STARD7: variants seen among roughly 807,000 people sequenced by gnomAD.
The protein encoded by STARD7 is StAR related lipid transfer domain containing 7, also known as stAR-related lipid transfer protein 7, mitochondrial.
STARD7 carries 30 observed loss-of-function variants against 45.3 expected under a neutral mutation model. The observed-to-expected ratio is 0.66, with a 90% CI of 0.50 to 0.90. The LOEUF (loss-of-function observed/expected upper bound fraction) is 0.90. Among genes scored for constraint, STARD7 ranks in the 40% least tolerant of loss-of-function variants. STARD7 has a pLI of 0.00. For synonymous variants in STARD7, 199 were observed against 183.0 expected, an observed-to-expected ratio of 1.09 and a Z score of -0.70; for missense variants, 495 against 491.3, an observed-to-expected ratio of 1.01 and a Z score of -0.07.
At chr2:96,205,141 G>A (rs929223986) in intron 1 of STARD7, among the ~76,000 whole-genome samples, 23 of 152,136 alleles carry the variant, frequency 1.5e-4, no homozygotes, top group Admixed American at 5.9e-4. Flanking sequence ...AGATATTTTC[G>A]TTGTTTAATT....
chr2:96,202,633 T>C (rs942574085), intron 1 of STARD7, among the ~76,000 whole-genome samples: 1 of 152,164 alleles, frequency 6.6e-6, no homozygotes, highest in Non-Finnish European at 1.5e-5. Flanking sequence ...GCACAACTCT[T>C]GAGTGTCATT....
intron 6 of STARD7, among the ~76,000 whole-genome samples, chr2:96,188,430 C>T (rs1011395848): frequency 6.6e-6 from 1 of 151,028 alleles, no homozygotes; most frequent in African/African-American, 2.4e-5. Flanking sequence ...CATGCACCAC[C>T]ATGCCCAGCT....
At chr2:96,193,195 A>C in intron 4 of STARD7, 35 bp from the exon 5 acceptor site, 1 of 1,594,862 alleles carries the variant, frequency 6.3e-7, no homozygotes, top group Non-Finnish European at 8.6e-7. Context: ...AGTGTTCTGC[A>C]TCACACAAAC....
In STARD7 at chr2:96,208,701, A is replaced by T. The variant is rs1683452953; in HGVS notation, c.-267T>A. The T allele has an allele frequency of 4.8e-6, 2 of 418,902 alleles. No individual in the cohort carries two copies. Among genetic ancestry groups the T allele is most frequent in the African/African-American group, 4.1e-5 (2 of 48,770 alleles). 25.9% of individuals were successfully genotyped at this position (418,902 alleles called of 1,614,324 possible). On this transcript the variant is annotated 5_prime_UTR_variant, in exon 1 of 8. Coordinates refer to ENST00000337288, the MANE Select transcript of STARD7 (RefSeq NM_020151.4). ...CCTGGGCCCGGGCAGCAGACCAGTCAGCCCTGTGGCTCCTCGGCGACCTCC... is the reference window on the plus strand; with the variant it reads ...CCTGGGCCCGGGCAGCAGACCAGTCTGCCCTGTGGCTCCTCGGCGACCTCC...
chr2:96,194,005 T>C (rs1333203052), intron 3 of STARD7, among the ~76,000 whole-genome samples: 1 of 152,218 alleles, frequency 6.6e-6, no homozygotes, highest in Non-Finnish European at 1.5e-5. Context: ...TTTCATTTTT[T>C]AAACCATCTT....
chr2:96,195,266 A>C, intron 2 of STARD7, 75 bp downstream of exon 2: 1 of 1,304,568 alleles, frequency 7.7e-7, no homozygotes, highest in Non-Finnish European at 1.1e-6. Context: ...AGAACAGTTT[A>C]GAGAAGTATG....
chr2:96,188,739 A>G (rs1044115448), intron 6 of STARD7, among the ~76,000 whole-genome samples: 1 of 151,622 alleles, frequency 6.6e-6, no homozygotes, highest in African/African-American at 2.4e-5. Flanking sequence ...CAAAGAAAAA[A>G]AAAAACTAGC....
At position 96,195,019 on chromosome 2, in the gene STARD7, A is replaced by G; in HGVS notation, c.500-12T>C. On this transcript the variant is annotated splice_polypyrimidine_tract_variant and intron_variant, in intron 2 of 7. Transcript: ENST00000337288. Reference sequence around the variant, plus strand: ...GTAGGTTCCAAAAACTAGAATGAAAAGAAAGAATAAGGGATGCTGGCCATA... The same window carrying G: ...GTAGGTTCCAAAAACTAGAATGAAAGGAAAGAATAAGGGATGCTGGCCATA... The G allele has an allele frequency of 6.2e-7, 1 of 1,603,622 alleles. No individual in the cohort carries two copies. Among genetic ancestry groups the G allele is most frequent in the Non-Finnish European group, 8.5e-7 (1 of 1,174,626 alleles).
intron 1 of STARD7, among the ~76,000 whole-genome samples, chr2:96,207,849 G>A (rs1683422930): frequency 6.6e-6 from 1 of 152,206 alleles, no homozygotes; most frequent in African/African-American, 2.4e-5. Flanking sequence ...GGGCCTCCAT[G>A]CCTTCGCTAT....
In STARD7 at chr2:96,208,282, C is replaced by G. The variant is rs1441305286; in HGVS notation, c.153G>C (p.Glu51Asp). 10 of 1,611,096 alleles carry G rather than the reference C, an allele frequency of 6.2e-6. No individual in the cohort carries two copies. Among genetic ancestry groups the G allele is most frequent in the Non-Finnish European group, 8.5e-6 (10 of 1,179,308 alleles). ...GGCCGAGGAGAACGCGGCGTGAGCT[C>G]TCGGAGTAGAGGCGGCCGTAGAGCT... ...IAQLYGRLYS[E>D]SSRRVLLGRL... The change falls in exon 1 of 8, where the codon GAG (glutamate) becomes GAC (aspartate). Residue 51 changes from glutamate (E) to aspartate (D), a missense_variant. Around this residue, in one of 2 missense-constraint regions of STARD7, gnomAD observed 282 missense variants for 220.1 expected, o/e 1.28. Coordinates refer to ENST00000337288, the MANE Select transcript of STARD7 (RefSeq NM_020151.4).
Position 96,208,654 on chromosome 2 carries a change from C to T in STARD7, c.-220G>A, listed in dbSNP as rs1683451672. 1.1e-5 allele frequency: 5 copies of T among 464,344 alleles called. No individual in the cohort carries two copies. In the South Asian group the frequency reaches 1.9e-4, roughly 17 times the overall value. The allele number at this position is 464,344 out of a possible 1,614,324, so 28.8% of individuals were successfully genotyped here. A position where few individuals can be genotyped will look rare whatever the true frequency, so the allele number is the denominator to read the frequency against. The stretch of plus-strand genomic sequence containing the variant: ...ATGGCAGCAGACGCCGGGATGGCTC[C>T]GCGACTGCTACACCAGGCACTCCTG... On this transcript the variant is annotated 5_prime_UTR_variant, in exon 1 of 8. Coordinates refer to ENST00000337288, the MANE Select transcript of STARD7 (RefSeq NM_020151.4).
At chr2:96,197,074 A>AATTAACATAACATAACATAACATAAC (rs1553432292) in intron 1 of STARD7, among the ~76,000 whole-genome samples, 14 of 128,194 alleles carry the variant, frequency 1.1e-4, no homozygotes, top group Admixed American at 3.9e-4. Flanking sequence ...CTCAAAATAA[A>AATTAACATAACATAACATAACATAAC]ATAAAATAAA....
chr2:96,194,869 A>G (rs1383639632), intron 3 of STARD7, 89 bp downstream of exon 3: 8 of 1,113,822 alleles, frequency 7.2e-6, no homozygotes, highest in South Asian at 1.4e-5. Flanking sequence ...ACTTAAGCCA[A>G]TGTCACCTGA....
Position 96,185,378 on chromosome 2 carries a change from AAAC to A in STARD7, c.*1349_*1351del, listed in dbSNP as rs1683019232. 1 of 141,540 alleles carries A rather than the reference AAAC, an allele frequency of 7.1e-6. No homozygotes were observed. 8.8% of individuals were successfully genotyped at this position (141,540 alleles called of 1,614,324 possible). On this transcript the variant is annotated 3_prime_UTR_variant, in exon 8 of 8. Transcript: ENST00000337288. ...CACCACAAAACAGTAGCAAGCAGGA[AAAC>A]AAAAACAAAAACAAAAACAAAAACT... is the stretch of plus-strand genomic sequence containing the variant.
At chr2:96,192,671 C>T (rs1683142359) in intron 5 of STARD7, among the ~76,000 whole-genome samples, 1 of 152,064 alleles carries the variant, frequency 6.6e-6, no homozygotes, top group African/African-American at 2.4e-5. Flanking sequence ...CCTGTAATCC[C>T]AACACTGGGA....
intron 1 of STARD7, among the ~76,000 whole-genome samples, chr2:96,199,507 C>A (rs1323298148): frequency 6.6e-6 from 1 of 152,136 alleles, no homozygotes; most frequent in Non-Finnish European, 1.5e-5. Context: ...GTGTATTGAT[C>A]TTGTATCCTG....
In STARD7 at chr2:96,186,514, G is replaced by T. The variant is rs1683039197; in HGVS notation, c.*216C>A. On this transcript the variant is annotated 3_prime_UTR_variant, in exon 8 of 8. Coordinates refer to ENST00000337288, the MANE Select transcript of STARD7 (RefSeq NM_020151.4). Reference sequence around the variant, plus strand: ...CCGAATTTCAAAACAGTTGGCCTGAGAATATGACAACACTCCCACAAATGT... The same window carrying T: ...CCGAATTTCAAAACAGTTGGCCTGATAATATGACAACACTCCCACAAATGT... 2.4e-6 allele frequency: 1 copy of T among 422,090 alleles called. No homozygotes were observed. The highest frequency in any genetic ancestry group is 2.0e-5 in the African/African-American group (1 of 49,000). The allele number at this position is 422,090 out of a possible 1,614,324, so 26.1% of individuals were successfully genotyped here.
chr2:96,186,736 A>G lies in STARD7; in HGVS notation c.1107T>C (p.Tyr369=), dbSNP rs776577801. ...EGSCGPARIE[Y]A ...CTTCTTATCCCAAAGCCTGTCAAGCATACTCAATCCGAGCAGGGCCACAGC... is the reference window on the plus strand; with the variant it reads ...CTTCTTATCCCAAAGCCTGTCAAGCGTACTCAATCCGAGCAGGGCCACAGC... Residue 369 remains tyrosine, a synonymous_variant, in exon 8 of 8, where the codon TAT becomes TAC. Transcript: ENST00000337288. The G allele has an allele frequency of 6.2e-7, 1 of 1,608,620 alleles. No homozygotes were observed. The highest frequency in any genetic ancestry group is 8.5e-7 in the Non-Finnish European group (1 of 1,177,818).
Position 96,193,227 on chromosome 2 carries a change from A to G in STARD7, c.660+15T>C, listed in dbSNP as rs1172181660. 1 of 1,607,780 alleles carries G rather than the reference A, an allele frequency of 6.2e-7. No homozygotes were observed. Among genetic ancestry groups the G allele is most frequent in the Non-Finnish European group, 8.5e-7 (1 of 1,174,212 alleles). ...AAACCTGGACAGAAATAAAATCAGA[A>G]GTAAAAATACTCACAGGAAAATGGG... On this transcript the variant is annotated intron_variant, in intron 4 of 7. Transcript: ENST00000337288.
Sources: allele counts gnomAD v4.1 joint callset (sites outside exome capture counted in the v4.1 genomes callset), GRCh38; gene constraint gnomAD v4.1.1; regional missense constraint gnomAD v4.1.1; transcripts MANE v1.5; gene names NCBI Gene and HGNC (gene_info 2026-07-23, HGNC 2026-07-21).